The following LGI1 variants were observed in gnomAD, a reference collection of about 807,000 sequenced individuals.
LGI1 encodes leucine rich glioma inactivated 1, also known as leucine-rich glioma-inactivated protein 1.
A neutral mutation model predicts 57.7 loss-of-function variants in LGI1; 11 were observed. That is an observed-to-expected ratio of 0.19 (90% CI 0.12 to 0.32). The LOEUF (loss-of-function observed/expected upper bound fraction) is 0.32, where lower values mean the gene tolerates loss of function less well. Among genes scored for constraint, LGI1 ranks in the 10% least tolerant of loss-of-function variants. The pLI is 1.00. For synonymous variants in LGI1, 222 were observed against 241.9 expected (o/e 0.92, Z 0.76); for missense variants, 422 against 661.9 (o/e 0.64, Z 3.98).
intron 4 of LGI1, among the ~76,000 whole-genome samples, chr10:93,781,365 G>GTAAATAAA (rs35338658): frequency 1.6e-3 from 239 of 148,414 alleles, no homozygotes; most frequent in Non-Finnish European, 2.1e-3. Flanking sequence ...TCTCTAAGAA[G>GTAAATAAA]TAAATAAATA....
At chr10:93,784,813 A>G (rs1488587979) in intron 4 of LGI1, among the ~76,000 whole-genome samples, 1 of 152,084 alleles carries the variant, frequency 6.6e-6, no homozygotes, top group Non-Finnish European at 1.5e-5. Context: ...ACACTCTCTC[A>G]AGTCGTGACA....
chr10:93,769,375 T>G (rs1479237514), intron 2 of LGI1: 1 of 152,244 alleles, frequency 6.6e-6, no homozygotes, highest in Non-Finnish European at 1.5e-5. Context: ...ACACTGTCCG[T>G]GTCCTACCTA....
intron 7 of LGI1, among the ~76,000 whole-genome samples, chr10:93,795,674 A>T (rs756513905): frequency 1.5e-4 from 23 of 152,234 alleles, no homozygotes; most frequent in Admixed American, 3.3e-4. Context: ...TCTTTCATGT[A>T]GAGTGCAGAC....
At chr10:93,761,668 C>T (rs2059624717) in intron 2 of LGI1, among the ~76,000 whole-genome samples, 2 of 151,384 alleles carry the variant, frequency 1.3e-5, no homozygotes, top group Non-Finnish European at 2.9e-5. Context: ...TGTTGGAGAA[C>T]AAGAAAAACA....
intron 2 of LGI1, chr10:93,769,087 T>C (rs1454554623): frequency 1.3e-5 from 2 of 152,262 alleles, no homozygotes; most frequent in Admixed American, 1.3e-4. Context: ...CATGCACTTA[T>C]AATGTGTGCA....
At chr10:93,764,153 C>T (rs2059650387) in intron 2 of LGI1, 1 of 152,162 alleles carries the variant, frequency 6.6e-6, no homozygotes, top group Admixed American at 6.5e-5. Flanking sequence ...GACACGCTGT[C>T]ACTTTTCACC....
Position 93,758,469 on chromosome 10 carries a change from T to C in LGI1, c.215+110T>C. 1 of 1,135,010 alleles carries C rather than the reference T, an allele frequency of 8.8e-7. No homozygotes were observed. 70.3% of individuals were successfully genotyped at this position (1,135,010 alleles called of 1,614,324 possible). A position where few individuals can be genotyped will look rare whatever the true frequency, so the allele number is the denominator to read the frequency against. The stretch of plus-strand genomic sequence containing the variant: ...AGGGCATGGAGAGAGAGATTCCTCT[T>C]GCATGCTTGGCCATTTGACAGTGCT... On this transcript the variant is annotated intron_variant, in intron 1 of 7. Coordinates refer to ENST00000371418, the MANE Select transcript of LGI1 (RefSeq NM_005097.4). This position sits in a 1 kb window ranked among gnomAD's most constrained non-coding sequence, Gnocchi z 4.7.
intron 2 of LGI1, chr10:93,769,898 T>A (rs566943941): frequency 7.4e-4 from 113 of 152,298 alleles, no homozygotes; most frequent in African/African-American, 2.6e-3. Flanking sequence ...TGTAGGCCAC[T>A]CATGGGCCAG....
At chr10:93,773,614 C>T (rs61865377) in intron 2 of LGI1, among the ~76,000 whole-genome samples, 2,890 of 152,218 alleles carry the variant, frequency 0.019, 44 homozygotes, top group Non-Finnish European at 0.027. Context: ...CTAAATCTCC[C>T]TCTTGGTAAG....
intron 7 of LGI1, among the ~76,000 whole-genome samples, chr10:93,795,359 T>C (rs1418245600): frequency 6.6e-6 from 1 of 152,226 alleles, no homozygotes; most frequent in East Asian, 1.9e-4. Flanking sequence ...GAGGGCTCAC[T>C]CTCTGCTTCA....
At chr10:93,765,037 G>A (rs2133983283) in intron 2 of LGI1, 1 of 152,248 alleles carries the variant, frequency 6.6e-6, no homozygotes, top group South Asian at 2.1e-4. Flanking sequence ...AAAATGACTG[G>A]CACCACGTTT....
At chr10:93,779,954 T>C (rs2059832088) in intron 4 of LGI1, among the ~76,000 whole-genome samples, 1 of 152,216 alleles carries the variant, frequency 6.6e-6, no homozygotes, top group South Asian at 2.1e-4. Context: ...TGATACGGCA[T>C]TGCCAATGTT....
At position 93,758,391 on chromosome 10, in the gene LGI1, T is replaced by C. The variant is rs773492535; in HGVS notation, c.215+32T>C. On this transcript the variant is annotated intron_variant, in intron 1 of 7. Transcript: ENST00000371418. The surrounding 1 kb of genome is among the most constrained non-coding windows in gnomAD (Gnocchi z 4.7). ...CCCGTAAGCATTTTGATATCTAATT[T>C]ACGATTTAAAAATTCCAGCCGGTGG... 2.5e-6 allele frequency: 4 copies of C among 1,600,490 alleles called. No individual in the cohort carries two copies. The highest frequency in any genetic ancestry group is 1.1e-5 in the South Asian group (1 of 90,824).
Position 93,797,779 on chromosome 10 carries a change from T to A in LGI1, c.1650T>A (p.His550Gln). 2 of 1,602,980 alleles carry A rather than the reference T, an allele frequency of 1.2e-6. No individual in the cohort carries two copies. Among genetic ancestry groups the A allele is most frequent in the Non-Finnish European group, 1.7e-6 (2 of 1,179,846 alleles). ...SFKGNTQIYK[H>Q]VIVDLSA is the part of the protein sequence containing the mutation. ...AGGGAAATACACAGATTTACAAACA[T>A]GTCATAGTTGACTTAAGCGCATGAG... The change falls in exon 8 of 8, where the codon CAT (histidine) becomes CAA (glutamine). Residue 550 changes from histidine to glutamine, a missense_variant. Physicochemically the swap from His to Gln is conservative, Grantham distance 24. This residue lies in a region of LGI1 where 301 missense variants were observed against 461.7 expected (regional missense o/e 0.65). Transcript: ENST00000371418. The surrounding 1 kb of genome is among the most constrained non-coding windows in gnomAD (Gnocchi z 6.5).
At chr10:93,783,727 T>C (rs1433987523) in intron 4 of LGI1, among the ~76,000 whole-genome samples, 1 of 152,186 alleles carries the variant, frequency 6.6e-6, no homozygotes, top group Non-Finnish European at 1.5e-5. Flanking sequence ...AAAGTATCTA[T>C]TAGGCTGTGT....
At chr10:93,795,253 C>T (rs188255316) in intron 7 of LGI1, among the ~76,000 whole-genome samples, 16 of 152,186 alleles carry the variant, frequency 1.1e-4, no homozygotes, top group African/African-American at 3.6e-4. Context: ...CAAAAAATAC[C>T]TTGACTGCGT....
At chr10:93,766,071 T>C (rs917407626) in intron 2 of LGI1, among the ~76,000 whole-genome samples, 3 of 151,812 alleles carry the variant, frequency 2.0e-5, no homozygotes, top group Non-Finnish European at 4.4e-5. Context: ...AATATGAAAC[T>C]GGCTGTTATA....
chr10:93,783,604 C>T (rs924505022), intron 4 of LGI1, among the ~76,000 whole-genome samples: 3 of 152,192 alleles, frequency 2.0e-5, no homozygotes, highest in Non-Finnish European at 2.9e-5. Context: ...AGCTTTCTCC[C>T]CCAGTGCCTT....
rs140081711 is a variant in LGI1 at position 93,781,083 on chromosome 10, G to A, written c.431+3466G>A. On this transcript the variant is annotated intron_variant, in intron 4 of 7. Transcript: ENST00000371418. ...TAACTTAAAAGTTATTATAGGCCGG[G>A]CGTGGTGGCTCACACCTGTAATCCC... 8.5e-3 allele frequency among the ~76,000 whole-genome samples: 1,293 copies of A among 152,302 alleles called. 17 individuals carry two copies. Among genetic ancestry groups the A allele is most frequent in the African/African-American group, 0.03 (1,230 of 41,558 alleles).
Sources: gnomAD v4.1 joint callset for allele counts (sites outside exome capture counted in the v4.1 genomes callset) on GRCh38, gnomAD v4.1.1 for gene constraint, gnomAD v4.1.1 regional missense constraint, Gnocchi (gnomAD v3.1) non-coding constraint, MANE v1.5 for transcripts, NCBI Gene and HGNC (gene_info 2026-07-23, HGNC 2026-07-21) for gene names.